The following ADAM2 variants were observed in gnomAD, a reference collection of about 807,000 sequenced individuals.
The protein encoded by ADAM2 is disintegrin and metalloproteinase domain-containing protein 2.
A neutral mutation model predicts 99.3 loss-of-function variants in ADAM2; 101 were observed. The ratio of observed to expected loss-of-function variants is 1.02; its 90% confidence interval spans 0.87 to 1.20. The LOEUF (loss-of-function observed/expected upper bound fraction) is 1.20, where lower values mean the gene tolerates loss of function less well. Ranked by LOEUF, ADAM2 falls within the 50% of genes most tolerant of loss-of-function variation. ADAM2 has a pLI of 0.00. For synonymous variants in ADAM2, 323 were observed against 287.6 expected (o/e 1.12, Z -1.25); for missense variants, 948 against 878.7 (o/e 1.08, Z -1.00).
intron 7 of ADAM2, among the ~76,000 whole-genome samples, chr8:39,792,356 G>C (rs1803753764): frequency 6.6e-6 from 1 of 151,888 alleles, no homozygotes; most frequent in African/African-American, 2.4e-5. Context: ...CCCAAATTAG[G>C]CATAGAGAAT....
intron 7 of ADAM2, among the ~76,000 whole-genome samples, chr8:39,805,395 A>C (rs925604690): frequency 1.3e-5 from 2 of 152,342 alleles, no homozygotes; most frequent in Middle Eastern, 3.4e-3. Flanking sequence ...AATTCATAGA[A>C]ATAAACTTGG....
chr8:39,767,122 G>C (rs1802601191), intron 13 of ADAM2, 31 bp downstream of exon 13: 2 of 1,595,642 alleles, frequency 1.3e-6, no homozygotes, highest in African/African-American at 2.7e-5. Flanking sequence ...ACTTATGTAG[G>C]TAATATTGAA....
At chr8:39,800,560 G>A (rs888643880) in intron 7 of ADAM2, among the ~76,000 whole-genome samples, 1 of 152,068 alleles carries the variant, frequency 6.6e-6, no homozygotes, top group East Asian at 1.9e-4. Flanking sequence ...TCCTGAATTT[G>A]CATGTTGGCC....
At chr8:39,777,377 G>T (rs911223237) in intron 10 of ADAM2, among the ~76,000 whole-genome samples, 1 of 151,872 alleles carries the variant, frequency 6.6e-6, no homozygotes, top group African/African-American at 2.4e-5. Context: ...TCATTTGGTG[G>T]CCTCAGACAA....
intron 6 of ADAM2, among the ~76,000 whole-genome samples, chr8:39,809,923 C>G (rs923769937): frequency 8.5e-5 from 13 of 152,284 alleles, no homozygotes; most frequent in African/African-American, 2.4e-4. Flanking sequence ...ATCAAATTCA[C>G]ACATAACAAT....
intron 19 of ADAM2, among the ~76,000 whole-genome samples, chr8:39,745,498 CA>C (rs1823406444): frequency 6.6e-6 from 1 of 151,992 alleles, no homozygotes; most frequent in Admixed American, 6.5e-5. Context: ...CATTTGGTAG[CA>C]TTTTCCTTGA....
At chr8:39,809,293 T>A (rs1586136791) in intron 7 of ADAM2, 117 bp downstream of exon 7, 1 of 584,238 alleles carries the variant, frequency 1.7e-6, no homozygotes, top group East Asian at 3.2e-5. Context: ...TAAAGTGCAT[T>A]AATGCAGAGC....
Position 39,824,892 on chromosome 8 carries a change from AAG to A in ADAM2, c.192_193del (p.Leu66ThrfsTer3). On this transcript the variant is annotated frameshift_variant, in exon 4 of 21. Coordinates refer to ENST00000265708, the MANE Select transcript of ADAM2 (RefSeq NM_001464.5). LOFTEE classifies it high-confidence loss of function. ...GTAAACTCTAAAATTATGGGGTAAA[AAG>A]TTTCTGTAACATAAAGATAAAATGG... 7.0e-7 allele frequency: 1 copy of A among 1,429,742 alleles called. No individual in the cohort carries two copies. The highest frequency in any genetic ancestry group is 9.8e-7 in the Non-Finnish European group (1 of 1,024,188). The allele number at this position is 1,429,742 out of a possible 1,614,324, so 88.6% of individuals were successfully genotyped here.
Position 39,767,226 on chromosome 8 carries a change from C to A in ADAM2, c.1238G>T (p.Cys413Phe). 1 of 1,606,830 alleles carries A rather than the reference C, an allele frequency of 6.2e-7. No homozygotes were observed. The highest frequency in any genetic ancestry group is 8.5e-7 in the Non-Finnish European group (1 of 1,178,490). The change falls in exon 13 of 21, where the codon TGC becomes TTC. Residue 413 changes from cysteine (C) to phenylalanine (F), a missense_variant. By Grantham distance (205) the Cys-to-Phe change is radical (BLOSUM62 -2). Coordinates refer to ENST00000265708, the MANE Select transcript of ADAM2 (RefSeq NM_001464.5). ...EQDCALIGET[C>F]CDIATCRFKA... ...AAATCTACATGTGGCAATATCACAG[C>A]ATGTTTCTCCAATAAGGGCACAATC...
intron 14 of ADAM2, among the ~76,000 whole-genome samples, chr8:39,762,976 G>A (rs1802428114): frequency 6.6e-6 from 1 of 152,146 alleles, no homozygotes; most frequent in South Asian, 2.1e-4. Flanking sequence ...AGGGGTCGGT[G>A]ATGTTTTAAC....
chr8:39,773,435 GTAGA>G (rs1345593712), intron 11 of ADAM2, among the ~76,000 whole-genome samples: 3 of 151,626 alleles, frequency 2.0e-5, no homozygotes, highest in Admixed American at 6.6e-5. Flanking sequence ...GGAAAACAAA[GTAGA>G]TAGGCCATGG....
chr8:39,789,852 G>A (rs1015024600), intron 7 of ADAM2, among the ~76,000 whole-genome samples: 4 of 151,198 alleles, frequency 2.6e-5, no homozygotes, highest in East Asian at 1.9e-4. Context: ...CAACAAAAAG[G>A]CAACCTAATT....
chr8:39,831,993 C>A (rs1407600823), intron 3 of ADAM2, among the ~76,000 whole-genome samples: 1 of 152,042 alleles, frequency 6.6e-6, no homozygotes, highest in African/African-American at 2.4e-5. Flanking sequence ...AATTCAGAGT[C>A]CTTAGAGATA....
At chr8:39,822,724 A>G (rs529268551) in intron 4 of ADAM2, among the ~76,000 whole-genome samples, 1 of 151,414 alleles carries the variant, frequency 6.6e-6, no homozygotes, top group African/African-American at 2.4e-5. Flanking sequence ...TATGCCTTCC[A>G]TAATTTGAGG....
intron 3 of ADAM2, among the ~76,000 whole-genome samples, chr8:39,829,719 T>C (rs574046864): frequency 3.9e-5 from 6 of 152,066 alleles, no homozygotes; most frequent in African/African-American, 1.4e-4. Context: ...ATAACCAAAC[T>C]AGACAGAAAC....
chr8:39,759,898 G>T (rs1209514201), intron 15 of ADAM2, among the ~76,000 whole-genome samples: 3 of 151,902 alleles, frequency 2.0e-5, no homozygotes, highest in African/African-American at 4.8e-5. Flanking sequence ...GTGGAGTCTC[G>T]CTCTGTCGCC....
At chr8:39,837,675 G>C (rs573721652) in intron 1 of ADAM2, among the ~76,000 whole-genome samples, 11 of 152,116 alleles carry the variant, frequency 7.2e-5, no homozygotes, top group Non-Finnish European at 1.3e-4. Context: ...ATGAGCCACC[G>C]TGCCCGGCCA....
At chr8:39,768,288 C>G (rs1263512933) in intron 12 of ADAM2, among the ~76,000 whole-genome samples, 1 of 152,124 alleles carries the variant, frequency 6.6e-6, no homozygotes, top group East Asian at 1.9e-4. Flanking sequence ...AAACATATCA[C>G]ATATCTCAGG....
chr8:39,760,696 G>T (rs1488394002), intron 15 of ADAM2, among the ~76,000 whole-genome samples: 4 of 151,612 alleles, frequency 2.6e-5, no homozygotes, highest in Non-Finnish European at 4.4e-5. Context: ...ACTCCAGCCT[G>T]GGGGAGAGAG....
Sources: gnomAD v4.1 joint callset for allele counts (sites outside exome capture counted in the v4.1 genomes callset) on GRCh38, gnomAD v4.1.1 for gene constraint, MANE v1.5 for transcripts, NCBI Gene and HGNC (gene_info 2026-07-23, HGNC 2026-07-21) for gene names.